The following EPHA5 variants were observed in gnomAD, a reference collection of about 807,000 sequenced individuals.
EPHA5 encodes the protein ephrin type-A receptor 5.
Under a neutral mutation model 105.0 loss-of-function variants are expected in EPHA5, and 60 were observed. The ratio of observed to expected loss-of-function variants is 0.57; its 90% CI spans 0.46 to 0.71. The LOEUF is 0.71. Ranked by LOEUF, EPHA5 falls within the 30% of genes least tolerant of loss-of-function variation. EPHA5 has a pLI of 0.00. For missense variants in EPHA5, 1,218 were observed against 1,274.7 expected, an observed-to-expected ratio of 0.96 and a Z score of 0.68; for synonymous variants, 513 against 449.1, an observed-to-expected ratio of 1.14 and a Z score of -1.80.
intron 4 of EPHA5, among the ~76,000 whole-genome samples, chr4:65,494,824 T>C (rs1309314865): frequency 6.6e-6 from 1 of 152,182 alleles, no homozygotes; most frequent in African/African-American, 2.4e-5. Context: ...CCCAGTTCTC[T>C]ATGTTCCTGA....
At chr4:65,572,744 T>C (rs1740324296) in intron 3 of EPHA5, among the ~76,000 whole-genome samples, 1 of 152,202 alleles carries the variant, frequency 6.6e-6, no homozygotes. Context: ...ATAATAATTA[T>C]CACAAGCTGG....
intron 3 of EPHA5, among the ~76,000 whole-genome samples, chr4:65,568,286 A>G (rs1278006935): frequency 1.3e-5 from 2 of 151,554 alleles, no homozygotes; most frequent in Non-Finnish European, 3.0e-5. Context: ...AATAGTAAGT[A>G]GGAGAATTGA....
chr4:65,460,948 T>G (rs1237043754), intron 5 of EPHA5, among the ~76,000 whole-genome samples: 1 of 151,862 alleles, frequency 6.6e-6, no homozygotes, highest in Non-Finnish European at 1.5e-5. Flanking sequence ...ATGTGGTTAA[T>G]CATCAAATTG....
chr4:65,644,736 G>A (rs10011257), intron 1 of EPHA5, among the ~76,000 whole-genome samples: 5,987 of 151,896 alleles, frequency 0.039, 393 homozygotes, highest in African/African-American at 0.14. Context: ...ACAAAAGCAC[G>A]TTTGGGAACA....
At chr4:65,326,620 A>G (rs1720105071) in intron 16 of EPHA5, among the ~76,000 whole-genome samples, 1 of 151,348 alleles carries the variant, frequency 6.6e-6, no homozygotes, top group African/African-American at 2.4e-5. Context: ...ACTGGATCAC[A>G]GCCAAGAGAA....
At chr4:65,488,593 G>A (rs1192975317) in intron 5 of EPHA5, among the ~76,000 whole-genome samples, 7 of 152,094 alleles carry the variant, frequency 4.6e-5, no homozygotes, top group Admixed American at 1.3e-4. Flanking sequence ...ATTGATTTTC[G>A]CTATTCCTGT....
intron 2 of EPHA5, among the ~76,000 whole-genome samples, chr4:65,609,023 T>C (rs1440237887): frequency 2.0e-5 from 3 of 152,228 alleles, no homozygotes; most frequent in Non-Finnish European, 4.4e-5. Context: ...TGTAGAATTA[T>C]AGCTTCCATC....
chr4:65,421,722 T>C (rs74485176), intron 5 of EPHA5, among the ~76,000 whole-genome samples: 37,445 of 152,102 alleles, frequency 0.25, 5,842 homozygotes, highest in Middle Eastern at 0.37. Context: ...ATATTTAATA[T>C]GTATGCTTCA....
At chr4:65,392,407 TA>T (rs1483155935) in intron 8 of EPHA5, among the ~76,000 whole-genome samples, 1 of 152,150 alleles carries the variant, frequency 6.6e-6, no homozygotes, top group Non-Finnish European at 1.5e-5. Flanking sequence ...ACCATTATTT[TA>T]AAATATAATA....
chr4:65,525,543 C>T (rs1050390934), intron 3 of EPHA5, among the ~76,000 whole-genome samples: 1 of 151,784 alleles, frequency 6.6e-6, no homozygotes, highest in Admixed American at 6.6e-5. Context: ...ATTTAAGTAA[C>T]CTACTGCACC....
intron 3 of EPHA5, among the ~76,000 whole-genome samples, chr4:65,543,104 C>T (rs1489476884): frequency 6.6e-6 from 1 of 152,004 alleles, no homozygotes; most frequent in Non-Finnish European, 1.5e-5. Context: ...TGCAAACCTA[C>T]AGCCAATATC....
chr4:65,521,304 C>G (rs997300277), intron 3 of EPHA5, among the ~76,000 whole-genome samples: 1 of 152,004 alleles, frequency 6.6e-6, no homozygotes, highest in African/African-American at 2.4e-5. Flanking sequence ...TGTTCTCACT[C>G]ATAGGTGGGA....
intron 5 of EPHA5, among the ~76,000 whole-genome samples, chr4:65,421,540 CAT>C (rs1334768547): frequency 2.0e-5 from 3 of 152,104 alleles, no homozygotes; most frequent in Non-Finnish European, 2.9e-5. Context: ...ATTATCACTA[CAT>C]ATGTTTCATA....
chr4:65,641,389 C>G (rs1463327399), intron 2 of EPHA5, among the ~76,000 whole-genome samples: 2 of 151,726 alleles, frequency 1.3e-5, no homozygotes, highest in African/African-American at 4.8e-5. Flanking sequence ...CATTTTTTTT[C>G]CAGTTTTCTT....
At chr4:65,464,419 T>G (rs796530591) in intron 5 of EPHA5, among the ~76,000 whole-genome samples, 1 of 152,096 alleles carries the variant, frequency 6.6e-6, no homozygotes, top group South Asian at 2.1e-4. Context: ...AGCAGGCACT[T>G]TTATTTTAAG....
intron 8 of EPHA5, among the ~76,000 whole-genome samples, chr4:65,397,733 AC>A (rs1721388642): frequency 6.6e-6 from 1 of 152,132 alleles, no homozygotes. Context: ...CAGTCATGCA[AC>A]GGGAGCCTCA....
intron 3 of EPHA5, among the ~76,000 whole-genome samples, chr4:65,581,911 T>C (rs6825040): frequency 2.0e-5 from 3 of 151,582 alleles, no homozygotes; most frequent in African/African-American, 7.3e-5. Flanking sequence ...AGTAATTTAC[T>C]TTAACAAAGT....
intron 8 of EPHA5, among the ~76,000 whole-genome samples, chr4:65,372,768 T>A (rs1718613221): frequency 6.6e-6 from 1 of 151,846 alleles, no homozygotes; most frequent in Non-Finnish European, 1.5e-5. Flanking sequence ...TCTTACTTGA[T>A]GTTTTATATA....
chr4:65,330,144 G>A (rs1720466296), intron 16 of EPHA5, among the ~76,000 whole-genome samples: 1 of 151,168 alleles, frequency 6.6e-6, no homozygotes, highest in Admixed American at 6.6e-5. Context: ...GGAAAATGCT[G>A]GTAAGTCTCC....
Sources: gnomAD v4.1 joint callset for allele counts (sites outside exome capture counted in the v4.1 genomes callset) on GRCh38, gnomAD v4.1.1 for gene constraint, MANE v1.5 for transcripts, NCBI Gene and HGNC (gene_info 2026-07-23, HGNC 2026-07-21) for gene names.